The following ADGRL2 variants were observed in gnomAD, a reference collection of about 807,000 sequenced individuals.
The protein encoded by ADGRL2 is adhesion G protein-coupled receptor L2, also known as calcium-independent alpha-latrotoxin receptor 2.
ADGRL2 carries 44 observed loss-of-function variants against 157.4 expected under a neutral mutation model. The ratio of observed to expected loss-of-function variants is 0.28; its 90% CI spans 0.22 to 0.36. ADGRL2 has a LOEUF of 0.36. Among genes scored for constraint, ADGRL2 ranks in the 10% least tolerant of loss-of-function variants. The probability of loss-of-function intolerance (pLI) is 1.00; values close to 1 mark genes in which losing one functional copy is unlikely to be tolerated. For missense variants in ADGRL2, 1,510 were observed against 1,768.9 expected (o/e 0.85, Z 2.63); for synonymous variants, 585 against 624.7 (o/e 0.94, Z 0.95).
intron 1 of ADGRL2, among the ~76,000 whole-genome samples, chr1:81,364,377 G>A (rs1266548324): frequency 1.3e-5 from 2 of 152,100 alleles, no homozygotes; most frequent in Non-Finnish European, 2.9e-5. Context: ...CATAAGTAAA[G>A]ACAGAGAAAG....
chr1:81,625,919 T>G (rs1458557672), intron 3 of ADGRL2, among the ~76,000 whole-genome samples: 1 of 152,152 alleles, frequency 6.6e-6, no homozygotes, highest in Non-Finnish European at 1.5e-5. Context: ...GAGTTAAAAG[T>G]TCCTTATTTT....
chr1:81,503,418 C>T (rs2148029885), intron 2 of ADGRL2: 8 of 1,613,810 alleles, frequency 5.0e-6, no homozygotes, highest in East Asian at 4.5e-5. Context: ...CAAGTCCTAC[C>T]TCATCCCGGG....
At chr1:81,802,692 G>C (rs577085684) in intron 1 of ADGRL2, among the ~76,000 whole-genome samples, 158 of 152,258 alleles carry the variant, frequency 1.0e-3, no homozygotes, top group Non-Finnish European at 1.9e-3. Context: ...CTGGGGCCCG[G>C]GGCCACCCCA....
chr1:81,659,883 A>C (rs1313177514), intron 3 of ADGRL2, among the ~76,000 whole-genome samples: 2 of 152,210 alleles, frequency 1.3e-5, no homozygotes, highest in African/African-American at 2.4e-5. Context: ...TTATTGAAAA[A>C]ACAGAGCTTC....
chr1:81,616,555 A>G (rs188870490), intron 3 of ADGRL2, among the ~76,000 whole-genome samples: 90 of 149,632 alleles, frequency 6.0e-4, no homozygotes, highest in African/African-American at 1.9e-3. Context: ...CAAGTACTCT[A>G]TTTTACTAAT....
intron 3 of ADGRL2, among the ~76,000 whole-genome samples, chr1:81,597,666 C>T (rs2081261549): frequency 6.6e-6 from 1 of 152,172 alleles, no homozygotes; most frequent in African/African-American, 2.4e-5. Flanking sequence ...CATTGTTCCT[C>T]AACTTACAAT....
In ADGRL2 at chr1:81,919,892, A is replaced by G. The variant is rs1056828110; in HGVS notation, c.287+12662A>G. ...GGCACTTTTATATATCTTGCCATTT[A>G]TTTCAACCCTTGATGAGTAGACCTT... On this transcript the variant is annotated intron_variant, in intron 3 of 23. Coordinates refer to ENST00000686636, the MANE Select transcript of ADGRL2 (RefSeq NM_001366006.2). Among the ~76,000 whole-genome samples, 7 of 152,182 alleles carry G rather than the reference A, an allele frequency of 4.6e-5. 1 individual carries two copies. Among genetic ancestry groups the G allele is most frequent in the Non-Finnish European group, 1.0e-4 (7 of 68,034 alleles).
At chr1:81,463,933 A>T (rs2101823161) in intron 2 of ADGRL2, among the ~76,000 whole-genome samples, 1 of 152,282 alleles carries the variant, frequency 6.6e-6, no homozygotes, top group South Asian at 2.1e-4. Flanking sequence ...TCGTCCTGAT[A>T]ATACGGAAGG....
chr1:81,794,517 A>G (rs1432404578), intron 2 of ADGRL2, among the ~76,000 whole-genome samples: 1 of 152,214 alleles, frequency 6.6e-6, no homozygotes, highest in Non-Finnish European at 1.5e-5. Flanking sequence ...ATGTGTTTGT[A>G]TTTCTAACCT....
chr1:81,433,821 G>A (rs12120776), intron 1 of ADGRL2, among the ~76,000 whole-genome samples: 8,687 of 152,164 alleles, frequency 0.057, 256 homozygotes, highest in Middle Eastern at 0.088. Flanking sequence ...TCATAATTCC[G>A]GAGCAGTCAG....
At chr1:81,650,255 T>A (rs938674378) in intron 3 of ADGRL2, among the ~76,000 whole-genome samples, 2 of 151,826 alleles carry the variant, frequency 1.3e-5, no homozygotes, top group African/African-American at 4.8e-5. Context: ...ACATGGCAGG[T>A]GAAGGAAGAA....
Position 81,785,488 on chromosome 1 carries a change from G to A in ADGRL2, c.-101+23636G>A, listed in dbSNP as rs113034452. 3.2e-3 allele frequency among the ~76,000 whole-genome samples: 485 copies of A among 152,120 alleles called. 2 individuals are homozygous for A. The highest frequency in any genetic ancestry group is 0.011 in the African/African-American group (465 of 41,488). ...CACACCTGTAGTCCCAGCACTTTGC[G>A]AGGCTGAAGTGGGAGGATTGCTCAA... On this transcript the variant is annotated intron_variant, in intron 2 of 20. Coordinates refer to the ADGRL2 transcript ENST00000359929.
chr1:81,534,360 C>A (rs529640010), intron 2 of ADGRL2, among the ~76,000 whole-genome samples: 2 of 152,238 alleles, frequency 1.3e-5, no homozygotes, highest in East Asian at 3.9e-4. Context: ...CGGGGTTTCA[C>A]CATGTTGGCC....
chr1:81,874,683 C>A (rs2151082709), intron 2 of ADGRL2, among the ~76,000 whole-genome samples: 1 of 142,086 alleles, frequency 7.0e-6, no homozygotes, highest in Non-Finnish European at 1.5e-5. Flanking sequence ...TCATGTCTTG[C>A]CTCTTCGCTT....
chr1:81,545,891 C>T (rs920109562), intron 2 of ADGRL2, among the ~76,000 whole-genome samples: 1 of 152,110 alleles, frequency 6.6e-6, no homozygotes, highest in African/African-American at 2.4e-5. Flanking sequence ...ATGGGGCACA[C>T]ACTGGCCTGG....
rs535818222 is a variant in ADGRL2, at chr1:81,536,686, T to C, written c.-247-44190T>C. 1.1e-4 allele frequency among the ~76,000 whole-genome samples: 16 copies of C among 152,342 alleles called. 1 individual carries two copies. In the South Asian group the frequency reaches 3.3e-3, roughly 32 times the overall value. Reference sequence around the variant, plus strand: ...GGTTATTTTGTTTTGTTTTGTTTTGTTTTTAACAAACATGATCAGACTTAT... The same window carrying C: ...GGTTATTTTGTTTTGTTTTGTTTTGCTTTTAACAAACATGATCAGACTTAT... On this transcript the variant is annotated intron_variant, in intron 2 of 24. Transcript: ENST00000370721.
At chr1:81,570,824 A>G (rs2080671797) in intron 2 of ADGRL2, among the ~76,000 whole-genome samples, 1 of 152,092 alleles carries the variant, frequency 6.6e-6, no homozygotes, top group South Asian at 2.1e-4. Flanking sequence ...TCAAATTACC[A>G]TTTTGCTCTA....
intron 1 of ADGRL2, among the ~76,000 whole-genome samples, chr1:81,728,184 G>A (rs2084601658): frequency 6.6e-6 from 1 of 152,046 alleles, no homozygotes; most frequent in South Asian, 2.1e-4. Context: ...TTTTCCAGAA[G>A]TACAAATTGT....
chr1:81,756,962 C>T (rs908058021), intron 1 of ADGRL2, among the ~76,000 whole-genome samples: 1 of 152,114 alleles, frequency 6.6e-6, no homozygotes, highest in Non-Finnish European at 1.5e-5. Flanking sequence ...AGGAAACGTT[C>T]ATGAAGTCAT....
Sources: gnomAD v4.1 joint callset for allele counts (sites outside exome capture counted in the v4.1 genomes callset) on GRCh38, gnomAD v4.1.1 for gene constraint, MANE v1.5 for transcripts, NCBI Gene and HGNC (gene_info 2026-07-23, HGNC 2026-07-21) for gene names.